CELF4: variants seen among roughly 807,000 people sequenced by gnomAD.
CELF4 encodes the protein CUG-BP- and ETR-3-like factor 4.
CELF4 carries 18 observed loss-of-function variants against 59.9 expected under a neutral mutation model. That is an observed-to-expected ratio of 0.30 (90% CI 0.21 to 0.45). CELF4 has a LOEUF of 0.45. CELF4 is among the 20% of genes least tolerant of loss of function. The pLI is 1.00. For synonymous variants in CELF4, 261 were observed against 267.1 expected, an observed-to-expected ratio of 0.98 and a Z score of 0.22; for missense variants, 456 against 689.0, an observed-to-expected ratio of 0.66 and a Z score of 3.79.
intron 2 of CELF4, among the ~76,000 whole-genome samples, chr18:37,480,807 G>T (rs946384930): frequency 6.6e-6 from 1 of 151,830 alleles, no homozygotes; most frequent in African/African-American, 2.4e-5. Context: ...GAGGAAAATG[G>T]GCAGAGGGAG....
At chr18:37,527,950 T>C (rs559383046) in intron 1 of CELF4, among the ~76,000 whole-genome samples, 43 of 152,324 alleles carry the variant, frequency 2.8e-4, no homozygotes, top group African/African-American at 1.0e-3. Flanking sequence ...TCTTTTAGGC[T>C]AGGAGAACTC....
intron 2 of CELF4, among the ~76,000 whole-genome samples, chr18:37,347,284 A>G (rs1191764863): frequency 6.6e-6 from 1 of 152,046 alleles, no homozygotes; most frequent in East Asian, 1.9e-4. Context: ...CGCCACGCCC[A>G]AGTTGGTTGG....
chr18:37,332,915 G>A (rs893531988), intron 2 of CELF4, among the ~76,000 whole-genome samples: 1 of 152,190 alleles, frequency 6.6e-6, no homozygotes, highest in Non-Finnish European at 1.5e-5. Flanking sequence ...TGCTGCTCCT[G>A]TGAACACGCC....
chr18:37,519,358 G>T (rs762967622), intron 1 of CELF4, among the ~76,000 whole-genome samples: 34 of 152,150 alleles, frequency 2.2e-4, no homozygotes, highest in Non-Finnish European at 4.4e-4. Context: ...TCTCCCAGGA[G>T]AAAGAAGTGT....
intron 2 of CELF4, among the ~76,000 whole-genome samples, chr18:37,448,121 T>C (rs998776534): frequency 2.0e-5 from 3 of 152,236 alleles, no homozygotes; most frequent in Non-Finnish European, 2.9e-5. Flanking sequence ...GAGCATCGCA[T>C]AGTCATTACA....
At chr18:37,369,181 A>T (rs867183787) in intron 2 of CELF4, among the ~76,000 whole-genome samples, 1 of 152,208 alleles carries the variant, frequency 6.6e-6, no homozygotes, top group Middle Eastern at 3.4e-3. Context: ...AGCCTCCACC[A>T]TGGGGCTCCC....
At chr18:37,450,464 A>G (rs1344655254) in intron 2 of CELF4, among the ~76,000 whole-genome samples, 3 of 150,010 alleles carry the variant, frequency 2.0e-5, no homozygotes, top group Non-Finnish European at 4.4e-5. Flanking sequence ...AGAGGCCTGC[A>G]AAGGACTGCC....
chr18:37,321,364 G>A (rs1225093873), intron 3 of CELF4, among the ~76,000 whole-genome samples: 2 of 152,122 alleles, frequency 1.3e-5, no homozygotes, highest in Non-Finnish European at 2.9e-5. Context: ...TGCTGGCCTT[G>A]AGTGCCCACA....
chr18:37,392,141 G>A (rs1033080747), intron 2 of CELF4, among the ~76,000 whole-genome samples: 10 of 152,216 alleles, frequency 6.6e-5, no homozygotes, highest in African/African-American at 2.2e-4. Flanking sequence ...CACTGTGGTG[G>A]GGGAAGTGGG....
intron 2 of CELF4, among the ~76,000 whole-genome samples, chr18:37,373,135 C>T (rs777703596): frequency 2.0e-5 from 3 of 152,222 alleles, no homozygotes; most frequent in Admixed American, 6.5e-5. Context: ...GAGTGGACGC[C>T]GCCCTGGTGA....
At chr18:37,402,914 T>C (rs1305017308) in intron 2 of CELF4, among the ~76,000 whole-genome samples, 1 of 152,192 alleles carries the variant, frequency 6.6e-6, no homozygotes, top group African/African-American at 2.4e-5. Context: ...AGCCTTCCTC[T>C]GCCCTCCCCA....
At chr18:37,435,351 A>G (rs1277893727) in intron 2 of CELF4, among the ~76,000 whole-genome samples, 1 of 151,890 alleles carries the variant, frequency 6.6e-6, no homozygotes, top group East Asian at 1.9e-4. Flanking sequence ...CCATGTGCAC[A>G]TGTGTGTGTG....
At chr18:37,260,537 T>G (rs941404230) in intron 10 of CELF4, among the ~76,000 whole-genome samples, 1 of 152,104 alleles carries the variant, frequency 6.6e-6, no homozygotes, top group Non-Finnish European at 1.5e-5. Flanking sequence ...AGCTCAACAG[T>G]GAAGGCTGTA....
intron 2 of CELF4, among the ~76,000 whole-genome samples, chr18:37,425,180 G>A (rs543249065): frequency 1.5e-3 from 235 of 152,346 alleles, no homozygotes; most frequent in African/African-American, 5.5e-3. Flanking sequence ...GCCCAGGACT[G>A]GGCAACCTGA....
intron 2 of CELF4, among the ~76,000 whole-genome samples, chr18:37,368,205 C>T (rs1287501097): frequency 6.6e-6 from 1 of 152,154 alleles, no homozygotes; most frequent in African/African-American, 2.4e-5. Flanking sequence ...CAGCCTTCCC[C>T]TGCCCCCCAG....
intron 2 of CELF4, among the ~76,000 whole-genome samples, chr18:37,449,099 G>A (rs769277720): frequency 5.9e-5 from 9 of 152,198 alleles, no homozygotes; most frequent in Admixed American, 1.3e-4. Flanking sequence ...TAGCAAAACC[G>A]GACCACCAAC....
At chr18:37,281,245 T>TG (rs1369475136) in intron 3 of CELF4, among the ~76,000 whole-genome samples, 1 of 151,982 alleles carries the variant, frequency 6.6e-6, no homozygotes, top group Non-Finnish European at 1.5e-5. Flanking sequence ...CTCTGAGTGG[T>TG]GAGGAGGGAG....
At chr18:37,389,930 C>T (rs181969143) in intron 2 of CELF4, among the ~76,000 whole-genome samples, 28 of 152,302 alleles carry the variant, frequency 1.8e-4, no homozygotes, top group East Asian at 9.6e-4. Flanking sequence ...GGACTCCTCA[C>T]GCTCACTCAC....
chr18:37,349,684 G>A (rs922349887), intron 2 of CELF4, among the ~76,000 whole-genome samples: 8 of 152,174 alleles, frequency 5.3e-5, no homozygotes, highest in African/African-American at 7.2e-5. Context: ...AGACAGCAGC[G>A]TGGGCCAGCC....
Sources: allele counts gnomAD v4.1 joint callset (sites outside exome capture counted in the v4.1 genomes callset), GRCh38; gene constraint gnomAD v4.1.1; transcripts MANE v1.5; gene names NCBI Gene and HGNC (gene_info 2026-07-23, HGNC 2026-07-21).